Variants in AGAP1 observed in about 807,000 individuals in gnomAD.
AGAP1 encodes arf-GAP with GTPase, ANK repeat and PH domain-containing protein 1.
AGAP1 carries 29 observed loss-of-function variants against 105.3 expected under a neutral mutation model. That is an observed-to-expected ratio of 0.28 (90% CI 0.21 to 0.38). AGAP1 has a LOEUF of 0.38. AGAP1 is among the 10% of genes least tolerant of loss of function. The pLI is 1.00. For missense variants in AGAP1, 998 were observed against 1,165.1 expected (o/e 0.86, Z 2.09); for synonymous variants, 509 against 485.9 (o/e 1.05, Z -0.63).
chr2:235,940,675 G>A (rs1363779570), intron 12 of AGAP1, among the ~76,000 whole-genome samples: 1 of 152,150 alleles, frequency 6.6e-6, no homozygotes, highest in Non-Finnish European at 1.5e-5. Context: ...ATTCTTGTTC[G>A]ACTCCTACCC....
intron 9 of AGAP1, among the ~76,000 whole-genome samples, chr2:235,851,570 C>G (rs1467905408): frequency 2.0e-5 from 3 of 152,144 alleles, no homozygotes; most frequent in Non-Finnish European, 4.4e-5. Context: ...GGTATCTCCC[C>G]CCTTGGAGTG....
rs780527015 is a variant in AGAP1, at chr2:236,000,165, A to G, written c.1645+31542A>G. ...TCTCAACATCACTGGAGAGCTGCAT[A>G]TTACGTTGTTATTTTTGTCTTTCCA... On this transcript the variant is annotated intron_variant, in intron 13 of 17. Transcript: ENST00000304032. This position sits in a 1 kb window ranked among gnomAD's most constrained non-coding sequence, Gnocchi z 4.3. Among the ~76,000 whole-genome samples, 1 of 152,146 alleles carries G rather than the reference A, an allele frequency of 6.6e-6. No individual in the cohort carries two copies. Among genetic ancestry groups the G allele is most frequent in the Non-Finnish European group, 1.5e-5 (1 of 68,042 alleles).
chr2:235,929,180 A>G (rs1225461947), intron 11 of AGAP1, among the ~76,000 whole-genome samples: 1 of 151,908 alleles, frequency 6.6e-6, no homozygotes, highest in Non-Finnish European at 1.5e-5. Context: ...GCCGTGGTGG[A>G]GTTTTGATTG....
rs995729421 is a variant in AGAP1, at chr2:235,905,028, A to G, written c.1156-3710A>G. On this transcript the variant is annotated intron_variant, in intron 10 of 17. Transcript: ENST00000304032. This position sits in a 1 kb window ranked among gnomAD's most constrained non-coding sequence, Gnocchi z 4.2. Reference sequence around the variant, plus strand: ...GGTTGTAACGCCTAACTCAGGCAAGAAAACAGATCCCTTAGCCCATGCTGA... The same window carrying G: ...GGTTGTAACGCCTAACTCAGGCAAGGAAACAGATCCCTTAGCCCATGCTGA... Among the ~76,000 whole-genome samples, 2 of 152,176 alleles carry G rather than the reference A, an allele frequency of 1.3e-5. No homozygotes were observed. Among genetic ancestry groups the G allele is most frequent in the African/African-American group, 4.8e-5 (2 of 41,442 alleles).
rs2058751333 is a variant in AGAP1, at chr2:236,080,402, C to T, written c.2114+31121C>T. Among the ~76,000 whole-genome samples, 1 of 152,196 alleles carries T rather than the reference C, an allele frequency of 6.6e-6. No homozygotes were observed. The highest frequency in any genetic ancestry group is 6.5e-5 in the Admixed American group (1 of 15,278). On this transcript the variant is annotated intron_variant, in intron 16 of 17. Transcript: ENST00000304032. This position sits in a 1 kb window ranked among gnomAD's most constrained non-coding sequence, Gnocchi z 4.2. ...GACAGCTAGGAGGAAATAAGGACGTCAGTTTGCAACCAGACAAGTTTAGAG... is the reference window on the plus strand; with the variant it reads ...GACAGCTAGGAGGAAATAAGGACGTTAGTTTGCAACCAGACAAGTTTAGAG...
chr2:236,063,536 G>T (rs2058264081), intron 16 of AGAP1, among the ~76,000 whole-genome samples: 1 of 152,212 alleles, frequency 6.6e-6, no homozygotes, highest in Non-Finnish European at 1.5e-5. Flanking sequence ...GTAAAATCTT[G>T]ACGAGATTAT....
chr2:235,499,316 CTG>C (rs1213662149), intron 1 of AGAP1, among the ~76,000 whole-genome samples: 1 of 152,224 alleles, frequency 6.6e-6, no homozygotes, highest in Non-Finnish European at 1.5e-5. Flanking sequence ...AAGCAGCTGA[CTG>C]TGGCAAAACT....
chr2:235,567,277 T>C (rs906261066), intron 1 of AGAP1, among the ~76,000 whole-genome samples: 2 of 152,176 alleles, frequency 1.3e-5, no homozygotes, highest in African/African-American at 2.4e-5. Flanking sequence ...TGTTCAGATA[T>C]GAGAATGGGA....
intron 1 of AGAP1, among the ~76,000 whole-genome samples, chr2:235,524,105 G>A (rs10929139): frequency 0.16 from 24,120 of 152,204 alleles, 2,105 homozygotes; most frequent in East Asian, 0.25. Context: ...CTGTGTCACT[G>A]TAGACGCTCC....
At chr2:236,098,612 TTTTTTTCC>T (rs1485309748) in intron 16 of AGAP1, among the ~76,000 whole-genome samples, 2 of 85,524 alleles carry the variant, frequency 2.3e-5, no homozygotes, top group African/African-American at 9.2e-5. Flanking sequence ...TGATGAAATC[TTTTTTTCC>T]TTTTTTTTTT....
rs907948742 is a variant in AGAP1 at position 235,962,777 on chromosome 2, G to A, written c.1484-5685G>A. Among the ~76,000 whole-genome samples the A allele has an allele frequency of 8.5e-5, 13 of 152,276 alleles. No homozygotes were observed. Among genetic ancestry groups the A allele is most frequent in the African/African-American group, 2.2e-4 (9 of 41,564 alleles). On this transcript the variant is annotated intron_variant, in intron 12 of 17. Coordinates refer to ENST00000304032, the MANE Select transcript of AGAP1 (RefSeq NM_001037131.3). The surrounding 1 kb of genome is among the most constrained non-coding windows in gnomAD (Gnocchi z 5.3). The stretch of plus-strand genomic sequence containing the variant: ...TGGTTGAAATTCCATGGGGTTTCTC[G>A]CTATTGATATTTTAGGTATTTGAGA...
At chr2:235,636,270 G>A (rs1250260520) in intron 1 of AGAP1, among the ~76,000 whole-genome samples, 1 of 152,090 alleles carries the variant, frequency 6.6e-6, no homozygotes, top group Non-Finnish European at 1.5e-5. Flanking sequence ...TATCCTTGGG[G>A]CACCTTTCTG....
rs2058629037 is a variant in AGAP1, at chr2:236,076,058, C to G, written c.2114+26777C>G. 6.6e-6 allele frequency among the ~76,000 whole-genome samples: 1 copy of G among 152,218 alleles called. No homozygotes were observed. The highest frequency in any genetic ancestry group is 1.5e-5 in the Non-Finnish European group (1 of 68,042). ...CTCTGCTCCTCACCAAGGCCCAAGA[C>G]CCGTGCTGTCATAACAGTCCTCCTT... is the stretch of plus-strand genomic sequence containing the variant. On this transcript the variant is annotated intron_variant, in intron 16 of 17. Transcript: ENST00000304032. The surrounding 1 kb of genome is among the most constrained non-coding windows in gnomAD (Gnocchi z 4.4).
intron 13 of AGAP1, among the ~76,000 whole-genome samples, chr2:235,985,789 G>A (rs1575972760): frequency 6.6e-6 from 1 of 152,222 alleles, no homozygotes; most frequent in African/African-American, 2.4e-5. Context: ...TATATGTGTG[G>A]TGGTATTTCT....
intron 12 of AGAP1, among the ~76,000 whole-genome samples, chr2:235,937,944 G>A (rs2053070722): frequency 6.6e-6 from 1 of 152,246 alleles, no homozygotes; most frequent in African/African-American, 2.4e-5. Flanking sequence ...TCCAGCTGCG[G>A]TTGCTGCGTT....
At chr2:235,944,670 C>A (rs2053408993) in intron 12 of AGAP1, among the ~76,000 whole-genome samples, 2 of 152,168 alleles carry the variant, frequency 1.3e-5, no homozygotes. Flanking sequence ...GACTGTGTGT[C>A]CAGAGGCACC....
intron 1 of AGAP1, among the ~76,000 whole-genome samples, chr2:235,572,993 TC>T (rs1944586799): frequency 4.5e-5 from 1 of 22,362 alleles, no homozygotes; most frequent in Non-Finnish European, 8.1e-5. Context: ...TTCTTCTTCT[TC>T]TTCTTCTTCT....
At position 236,113,776 on chromosome 2, in the gene AGAP1, G is replaced by A. The variant is rs190207205; in HGVS notation, c.2115-6416G>A. ...ACCCCGAAAAATCCAGAGGGTTCAC[G>A]GCTCCTGCAACCTACCCAGTGATTC... is the stretch of plus-strand genomic sequence containing the variant. On this transcript the variant is annotated intron_variant, in intron 16 of 17. Transcript: ENST00000304032. The surrounding 1 kb of genome is among the most constrained non-coding windows in gnomAD (Gnocchi z 4.3). Among the ~76,000 whole-genome samples the A allele has an allele frequency of 6.6e-5, 10 of 152,214 alleles. No individual in the cohort carries two copies. In the East Asian group the frequency reaches 7.7e-4, roughly 12 times the overall value.
Position 235,866,455 on chromosome 2 carries a change from G to T in AGAP1, c.1051-16890G>T, listed in dbSNP as rs189326911. On this transcript the variant is annotated intron_variant, in intron 9 of 17. Transcript: ENST00000304032. This position sits in a 1 kb window ranked among gnomAD's most constrained non-coding sequence, Gnocchi z 6.1. ...TCCAGCAAGTGGGGAAGAGACAGCGGAAGTCCCCAGTGTGACACCAGGGCC... is the reference window on the plus strand; with the variant it reads ...TCCAGCAAGTGGGGAAGAGACAGCGTAAGTCCCCAGTGTGACACCAGGGCC... Among the ~76,000 whole-genome samples, 1 of 152,304 alleles carries T rather than the reference G, an allele frequency of 6.6e-6. No homozygotes were observed. The highest frequency in any genetic ancestry group is 1.5e-5 in the Non-Finnish European group (1 of 68,032).
Sources: allele counts gnomAD v4.1 joint callset (sites outside exome capture counted in the v4.1 genomes callset), GRCh38; gene constraint gnomAD v4.1.1; non-coding constraint Gnocchi (gnomAD v3.1); transcripts MANE v1.5; gene names NCBI Gene and HGNC (gene_info 2026-07-23, HGNC 2026-07-21).